Variants in SOX6 observed in about 807,000 individuals in gnomAD.
The protein encoded by SOX6 is SRY-box transcription factor 6, also known as transcription factor SOX-6.
Under a neutral mutation model 97.8 loss-of-function variants are expected in SOX6, and 11 were observed. The observed-to-expected ratio is 0.11, with a 90% CI of 0.07 to 0.19. The LOEUF is 0.19. SOX6 is among the 10% of genes least tolerant of loss of function. The probability of loss-of-function intolerance (pLI) is 1.00; values close to 1 mark genes in which losing one functional copy is unlikely to be tolerated. For synonymous variants in SOX6, 360 were observed against 371.4 expected, an observed-to-expected ratio of 0.97 and a Z score of 0.35; for missense variants, 810 against 1,039.5, an observed-to-expected ratio of 0.78 and a Z score of 3.04.
At position 16,101,685 on chromosome 11, in the gene SOX6, AT is replaced by A. The variant is rs1401771980; in HGVS notation, c.899-3998del. 2.0e-5 allele frequency among the ~76,000 whole-genome samples: 3 copies of A among 151,600 alleles called. No individual in the cohort carries two copies. The East Asian group carries it at 5.8e-4, about 29-fold the overall frequency. On this transcript the variant is annotated intron_variant, in intron 7 of 15. Transcript: ENST00000683767. ...CCATTACATAAAATTGATTTAAAAA[AT>A]CCTCAGTTTCATACTAGGGATGCAG...
chr11:16,024,315 G>A (rs765185299), intron 12 of SOX6, among the ~76,000 whole-genome samples: 9 of 151,968 alleles, frequency 5.9e-5, no homozygotes, highest in Admixed American at 1.3e-4. Context: ...AGTTTATTAC[G>A]GCAACCCTGG....
chr11:16,697,651 A>G (rs1848064026), intron 3 of SOX6, among the ~76,000 whole-genome samples: 1 of 152,184 alleles, frequency 6.6e-6, no homozygotes, highest in Non-Finnish European at 1.5e-5. Context: ...GCTCACATCC[A>G]TTAAAGGATC....
chr11:16,376,976 C>T (rs1338780786), intron 1 of SOX6, among the ~76,000 whole-genome samples: 3 of 151,562 alleles, frequency 2.0e-5, no homozygotes, highest in South Asian at 2.1e-4. Context: ...TTAAGGAGTG[C>T]TATCTCAAGA....
chr11:16,165,125 T>A (rs191559668), intron 6 of SOX6, among the ~76,000 whole-genome samples: 1 of 152,342 alleles, frequency 6.6e-6, no homozygotes, highest in African/African-American at 2.4e-5. Context: ...TTCTACTTGG[T>A]ATTTGCAAGC....
At chr11:16,411,084 A>G (rs1858801393) in intron 1 of SOX6, among the ~76,000 whole-genome samples, 1 of 152,070 alleles carries the variant, frequency 6.6e-6, no homozygotes, top group African/African-American at 2.4e-5. Flanking sequence ...AATTTTATCC[A>G]TTTTAAATTG....
At chr11:16,077,835 TA>T (rs560743164) in intron 9 of SOX6, among the ~76,000 whole-genome samples, 1 of 151,656 alleles carries the variant, frequency 6.6e-6, no homozygotes, top group African/African-American at 2.4e-5. Context: ...AGGAAGAAGA[TA>T]AAAAAAATAT....
chr11:16,328,707 A>G (rs1565094635), intron 2 of SOX6, among the ~76,000 whole-genome samples: 1 of 152,186 alleles, frequency 6.6e-6, no homozygotes, highest in Non-Finnish European at 1.5e-5. Flanking sequence ...CAACTGTGCT[A>G]TATAAGACAC....
Position 16,438,898 on chromosome 11 carries a change from G to T in SOX6, c.-5+37417C>A, listed in dbSNP as rs960455683. Among the ~76,000 whole-genome samples, 22 of 152,074 alleles carry T rather than the reference G, an allele frequency of 1.4e-4. 1 individual carries two copies. Among genetic ancestry groups the T allele is most frequent in the Admixed American group, 6.6e-4 (10 of 15,264 alleles). On this transcript the variant is annotated intron_variant, in intron 1 of 15. Transcript: ENST00000396356. ...CTCCTACCCTTTAAATGCCACAGAA[G>T]TAACCTTATAATAACCTTCTGACAA...
intron 4 of SOX6, among the ~76,000 whole-genome samples, chr11:16,540,816 A>C (rs1382722597): frequency 2.0e-5 from 3 of 152,220 alleles, no homozygotes; most frequent in Admixed American, 6.5e-5. Context: ...TCAATGAAAT[A>C]AAAGAGGATA....
intron 1 of SOX6, among the ~76,000 whole-genome samples, chr11:16,473,524 T>C (rs1157640331): frequency 1.3e-5 from 2 of 151,688 alleles, no homozygotes; most frequent in African/African-American, 4.8e-5. Flanking sequence ...TTGCTGAAGG[T>C]TGGAGTGGCT....
At chr11:15,986,561 C>A in intron 14 of SOX6, 141 bp from the exon 15 acceptor site, 1 of 749,488 alleles carries the variant, frequency 1.3e-6, no homozygotes, top group Non-Finnish European at 2.3e-6. Flanking sequence ...GCTGTCCCAA[C>A]TATACTTTTA....
At chr11:16,539,685 A>G (rs1462539455) in intron 4 of SOX6, among the ~76,000 whole-genome samples, 1 of 152,240 alleles carries the variant, frequency 6.6e-6, no homozygotes, top group Non-Finnish European at 1.5e-5. Context: ...AGAGAATACT[A>G]TAAACACCTC....
At chr11:16,688,443 T>A (rs1263656191) in intron 3 of SOX6, among the ~76,000 whole-genome samples, 1 of 152,210 alleles carries the variant, frequency 6.6e-6, no homozygotes, top group African/African-American at 2.4e-5. Context: ...GCTCACTGAT[T>A]CTCTGTTCAT....
intron 12 of SOX6, among the ~76,000 whole-genome samples, chr11:16,032,805 T>C (rs1393449289): frequency 6.6e-6 from 1 of 152,088 alleles, no homozygotes; most frequent in Non-Finnish European, 1.5e-5. Context: ...TGCAGACACA[T>C]GCCCCAACCA....
intron 9 of SOX6, among the ~76,000 whole-genome samples, chr11:16,095,438 C>T (rs11023844): frequency 2.0e-5 from 3 of 151,684 alleles, no homozygotes; most frequent in Admixed American, 6.6e-5. Flanking sequence ...TTGGAAAAAG[C>T]AATCATCCAG....
At chr11:16,248,971 C>A (rs898149401) in intron 3 of SOX6, among the ~76,000 whole-genome samples, 1 of 151,998 alleles carries the variant, frequency 6.6e-6, no homozygotes, top group African/African-American at 2.4e-5. Flanking sequence ...CATGGTGGCA[C>A]ATGCCTGTAG....
intron 2 of SOX6, among the ~76,000 whole-genome samples, chr11:16,717,023 G>A (rs182619111): frequency 6.6e-6 from 1 of 151,894 alleles, no homozygotes; most frequent in Admixed American, 6.6e-5. Context: ...CTTATGATTT[G>A]TATACTTTTC....
Position 16,055,674 on chromosome 11 carries a change from C to G in SOX6, c.1251+78G>C. On this transcript the variant is annotated intron_variant, in intron 10 of 15. Transcript: ENST00000683767. ...TTGCTATGTTTCCTGCTGTTTATGC[C>G]CAACATAGCCTGCTTCACTATCTTT... 4 of 1,578,176 alleles carry G rather than the reference C, an allele frequency of 2.5e-6. No individual in the cohort carries two copies. In the South Asian group the frequency reaches 4.5e-5, roughly 18 times the overall value.
At chr11:16,141,581 A>G (rs1483527400) in intron 6 of SOX6, among the ~76,000 whole-genome samples, 1 of 152,170 alleles carries the variant, frequency 6.6e-6, no homozygotes, top group Non-Finnish European at 1.5e-5. Context: ...CCTCACCCGA[A>G]AAGCGCAAGG....
Sources: allele counts gnomAD v4.1 joint callset (sites outside exome capture counted in the v4.1 genomes callset), GRCh38; gene constraint gnomAD v4.1.1; transcripts MANE v1.5; gene names NCBI Gene and HGNC (gene_info 2026-07-23, HGNC 2026-07-21).